PCDHGA4: variants seen among roughly 807,000 people sequenced by gnomAD.
PCDHGA4 encodes the protein protocadherin gamma subfamily A, 4, also known as protocadherin gamma-A4.
In PCDHGA4, 38 loss-of-function variants were observed where a neutral mutation model predicts 54.6. The ratio of observed to expected loss-of-function variants is 0.70; its 90% CI spans 0.54 to 0.91. The LOEUF (loss-of-function observed/expected upper bound fraction) is 0.91, where lower values mean the gene tolerates loss of function less well. Among genes scored for constraint, PCDHGA4 ranks in the 40% least tolerant of loss-of-function variants. PCDHGA4 has a pLI of 0.00. For synonymous variants in PCDHGA4, 511 were observed against 512.9 expected, an observed-to-expected ratio of 1.00 and a Z score of 0.05; for missense variants, 1,298 against 1,220.9, an observed-to-expected ratio of 1.06 and a Z score of -0.94.
intron 1 of PCDHGA4, chr5:141,366,750 A>G: frequency 1.9e-6 from 3 of 1,607,760 alleles, no homozygotes; most frequent in Non-Finnish European, 2.6e-6. Flanking sequence ...CGGCGAGTTC[A>G]GGTTAGTTTT....
At chr5:141,385,224 T>G (rs751833387) in intron 1 of PCDHGA4, 2 of 1,614,206 alleles carry the variant, frequency 1.2e-6, no homozygotes, top group Non-Finnish European at 1.7e-6. Flanking sequence ...AGCCCAACTA[T>G]GTAGACATGC....
chr5:141,478,352 G>T lies in PCDHGA4; in HGVS notation c.2515-16455G>T, dbSNP rs767743120. 36 of 1,613,674 alleles carry T rather than the reference G, an allele frequency of 2.2e-5. No homozygotes were observed. Among genetic ancestry groups the T allele is most frequent in the Non-Finnish European group, 3.1e-5 (36 of 1,180,016 alleles). On this transcript the variant is annotated intron_variant, in intron 1 of 3. Transcript: ENST00000571252. ...ACCAGGGCCCTCCTTGCACGCGGACGCCGTGCGGGGAGGCCTGATGTCGCC... is the reference window on the plus strand; with the variant it reads ...ACCAGGGCCCTCCTTGCACGCGGACTCCGTGCGGGGAGGCCTGATGTCGCC...
At chr5:141,409,059 A>G (rs2095217608) in intron 1 of PCDHGA4, 2 of 1,614,050 alleles carry the variant, frequency 1.2e-6, no homozygotes, top group Non-Finnish European at 1.7e-6. Context: ...AGCACTGCCC[A>G]GAGCACAAAA....
chr5:141,397,424 T>A (rs975746097), intron 1 of PCDHGA4, among the ~76,000 whole-genome samples: 4 of 152,324 alleles, frequency 2.6e-5, no homozygotes, highest in African/African-American at 9.6e-5. Flanking sequence ...ATAGTATAGA[T>A]TTCCCTAATA....
At chr5:141,369,112 G>C (rs527912435) in intron 1 of PCDHGA4, among the ~76,000 whole-genome samples, 4 of 152,288 alleles carry the variant, frequency 2.6e-5, no homozygotes, top group Non-Finnish European at 5.9e-5. Flanking sequence ...AATTAAAACT[G>C]TAAGACACCT....
intron 1 of PCDHGA4, chr5:141,428,207 T>G (rs1213295979): frequency 7.6e-7 from 1 of 1,308,340 alleles, no homozygotes; most frequent in African/African-American, 1.4e-5. Context: ...GCCGCTACGC[T>G]TCACCTAGTC....
intron 1 of PCDHGA4, among the ~76,000 whole-genome samples, chr5:141,381,960 G>A (rs1283229818): frequency 6.6e-6 from 1 of 150,482 alleles, no homozygotes; most frequent in East Asian, 2.0e-4. Flanking sequence ...CTCCTGAGTA[G>A]CTGGGATTAC....
In PCDHGA4 at chr5:141,372,691, A is replaced by G. The variant is rs780199454; in HGVS notation, c.2514+15070A>G. The G allele has an allele frequency of 9.3e-6, 15 of 1,613,914 alleles. No homozygotes were observed. In the Admixed American group the frequency reaches 1.2e-4, roughly 13 times the overall value. ...TCACATTCCTCAAACACCGAGTTTA[A>G]ATTTCTCAATATAAAGGCTGAAAAT... On this transcript the variant is annotated intron_variant, in intron 1 of 3. Transcript: ENST00000571252.
chr5:141,369,524 C>T (rs1232865331), intron 1 of PCDHGA4, among the ~76,000 whole-genome samples: 1 of 152,138 alleles, frequency 6.6e-6, no homozygotes, highest in Non-Finnish European at 1.5e-5. Context: ...AGTTTTCAAT[C>T]ATACTTATTT....
intron 1 of PCDHGA4, chr5:141,365,202 C>G (rs1763792764): frequency 6.2e-7 from 1 of 1,613,774 alleles, no homozygotes; most frequent in Non-Finnish European, 8.5e-7. Context: ...ATTTCGGAGA[C>G]TTTCCAACTT....
At chr5:141,447,437 G>A (rs1435222330) in intron 1 of PCDHGA4, among the ~76,000 whole-genome samples, 3 of 152,128 alleles carry the variant, frequency 2.0e-5, no homozygotes, top group Non-Finnish European at 2.9e-5. Context: ...CGCACCCGGA[G>A]GAAATTTTTA....
At chr5:141,407,429 C>T (rs2094929018) in intron 1 of PCDHGA4, among the ~76,000 whole-genome samples, 1 of 151,532 alleles carries the variant, frequency 6.6e-6, no homozygotes, top group Admixed American at 6.6e-5. Flanking sequence ...ATGTCTCTTG[C>T]CCTTAAAACC....
intron 2 of PCDHGA4, among the ~76,000 whole-genome samples, chr5:141,496,206 A>C (rs2099766963): frequency 6.6e-6 from 1 of 152,126 alleles, no homozygotes; most frequent in South Asian, 2.1e-4. Context: ...TCAATCTGGT[A>C]TGAATTCCTG....
At chr5:141,409,351 G>A (rs756967611) in intron 1 of PCDHGA4, 7 of 1,613,982 alleles carry the variant, frequency 4.3e-6, no homozygotes, top group Non-Finnish European at 5.9e-6. Flanking sequence ...GAGAAGTCAG[G>A]TGTAATATAG....
At chr5:141,382,998 C>G in intron 1 of PCDHGA4, 2 of 1,613,740 alleles carry the variant, frequency 1.2e-6, no homozygotes, top group Non-Finnish European at 1.7e-6. Context: ...GTATTCTCTA[C>G]TCCGTGTCGG....
intron 1 of PCDHGA4, among the ~76,000 whole-genome samples, chr5:141,482,530 C>CGAAAAAAA (rs2099566141): frequency 1.3e-5 from 1 of 76,562 alleles, no homozygotes; most frequent in African/African-American, 4.8e-5. Context: ...GACAGACATG[C>CGAAAAAAA]AAAAAAAAAA....
At chr5:141,392,766 C>T (rs1196100164) in intron 1 of PCDHGA4, 1 of 1,488,966 alleles carries the variant, frequency 6.7e-7, no homozygotes. Flanking sequence ...AAATAAGACC[C>T]ATTTATGCAC....
At chr5:141,505,305 C>T (rs1363643214) in intron 2 of PCDHGA4, 88 bp from the exon 3 acceptor site, 2 of 1,595,104 alleles carry the variant, frequency 1.3e-6, no homozygotes, top group Admixed American at 1.7e-5. Flanking sequence ...GGTTAGGGTA[C>T]TAGGTTTGGG....
At chr5:141,364,976 G>A (rs781674344) in intron 1 of PCDHGA4, 1 of 1,613,902 alleles carries the variant, frequency 6.2e-7, no homozygotes, top group Middle Eastern at 1.6e-4. Flanking sequence ...CACAGCTTTA[G>A]ATGGCGGAGA....
Sources: gnomAD v4.1 joint callset for allele counts (sites outside exome capture counted in the v4.1 genomes callset) on GRCh38, gnomAD v4.1.1 for gene constraint, MANE v1.5 for transcripts, NCBI Gene and HGNC (gene_info 2026-07-23, HGNC 2026-07-21) for gene names.